The following MAF variants were observed in gnomAD, a reference collection of about 807,000 sequenced individuals.
MAF encodes MAF bZIP transcription factor, also known as transcription factor Maf.
MAF carries 10 observed loss-of-function variants against 22.0 expected under a neutral mutation model. The observed-to-expected ratio is 0.45, with a 90% CI of 0.28 to 0.77. The LOEUF is 0.77. Among genes scored for constraint, MAF ranks in the 30% least tolerant of loss-of-function variants. MAF has a pLI of 0.12. For synonymous variants in MAF, 337 were observed against 255.8 expected (o/e 1.32, Z -3.03); for missense variants, 544 against 548.4 (o/e 0.99, Z 0.08).
At chr16:79,442,359 T>TTTTA in the MAF span, among the ~76,000 whole-genome samples, 555 of 152,036 alleles carry the variant, frequency 3.7e-3, 6 homozygotes, top group African/African-American at 0.012. Flanking sequence ...TATCCTTTTA[T>TTTTA]TTTATTTATT....
At chr16:79,213,289 G>C in the MAF span, among the ~76,000 whole-genome samples, 1 of 147,268 alleles carries the variant, frequency 6.8e-6, no homozygotes, top group African/African-American at 2.7e-5. Flanking sequence ...CTGTGGTGCA[G>C]AGCAGTCGAA....
the MAF span, among the ~76,000 whole-genome samples, chr16:79,424,549 A>T: frequency 1.3e-5 from 2 of 152,210 alleles, no homozygotes; most frequent in Middle Eastern, 3.4e-3. Flanking sequence ...AATTCTATTC[A>T]TTTGTTTCTT....
the MAF span, among the ~76,000 whole-genome samples, chr16:79,466,243 C>T: frequency 6.6e-6 from 1 of 152,178 alleles, no homozygotes; most frequent in African/African-American, 2.4e-5. Flanking sequence ...TCAGACTTGT[C>T]TCAGCACAGG....
chr16:79,550,739 C>G, the MAF span, among the ~76,000 whole-genome samples: 1 of 151,972 alleles, frequency 6.6e-6, no homozygotes, highest in Non-Finnish European at 1.5e-5. Flanking sequence ...TTTGCACCAT[C>G]TAATCTGTGG....
the MAF span, among the ~76,000 whole-genome samples, chr16:79,502,092 G>T: frequency 6.6e-6 from 1 of 152,150 alleles, no homozygotes; most frequent in African/African-American, 2.4e-5. Flanking sequence ...TAACTTCAGT[G>T]AATACGTGTC....
chr16:79,243,842 G>A, the MAF span, among the ~76,000 whole-genome samples: 1 of 151,996 alleles, frequency 6.6e-6, no homozygotes, highest in Non-Finnish European at 1.5e-5. Context: ...ACCGAATCCA[G>A]CAGCACATCA....
At chr16:79,281,489 G>A in the MAF span, among the ~76,000 whole-genome samples, 1 of 150,078 alleles carries the variant, frequency 6.7e-6, no homozygotes, top group Non-Finnish European at 1.5e-5. Context: ...TTGTAATTCA[G>A]TTGTTTGTAT....
chr16:79,328,686 C>A, the MAF span, among the ~76,000 whole-genome samples: 4 of 152,136 alleles, frequency 2.6e-5, no homozygotes, highest in East Asian at 7.7e-4. Context: ...GCCAATATAA[C>A]TCCATTAGAT....
At chr16:79,224,644 T>C in the MAF span, among the ~76,000 whole-genome samples, 2 of 152,200 alleles carry the variant, frequency 1.3e-5, no homozygotes, top group East Asian at 1.9e-4. Context: ...CTTAAGCAGA[T>C]AAGCAACTTC....
the MAF span, among the ~76,000 whole-genome samples, chr16:79,277,644 C>T: frequency 1.3e-5 from 2 of 152,232 alleles, no homozygotes; most frequent in East Asian, 3.9e-4. Flanking sequence ...TAGTGGATGG[C>T]TTTAGGAATT....
chr16:79,354,830 C>T, the MAF span, among the ~76,000 whole-genome samples: 1 of 152,116 alleles, frequency 6.6e-6, no homozygotes, highest in African/African-American at 2.4e-5. Context: ...GAATTGAATT[C>T]TAGTGAACAC....
At chr16:79,513,686 C>T in the MAF span, among the ~76,000 whole-genome samples, 1 of 152,156 alleles carries the variant, frequency 6.6e-6, no homozygotes, top group African/African-American at 2.4e-5. Flanking sequence ...AAACAATAAG[C>T]TTGTTGAGCT....
the MAF span, among the ~76,000 whole-genome samples, chr16:79,337,830 T>A: frequency 1.3e-5 from 2 of 152,332 alleles, no homozygotes; most frequent in South Asian, 2.1e-4. Context: ...CACACAAGGC[T>A]ACTATGCCAC....
chr16:79,277,829 C>T, the MAF span, among the ~76,000 whole-genome samples: 1,229 of 152,268 alleles, frequency 8.1e-3, 10 homozygotes, highest in Non-Finnish European at 0.013. Flanking sequence ...TGAGGAGAAG[C>T]ATCTCACAAG....
At chr16:79,464,835 A>T in the MAF span, among the ~76,000 whole-genome samples, 1 of 152,210 alleles carries the variant, frequency 6.6e-6, no homozygotes, top group East Asian at 1.9e-4. Flanking sequence ...ATATGACAAG[A>T]AAGTAAGTCA....
At chr16:79,307,273 C>A in the MAF span, among the ~76,000 whole-genome samples, 1 of 152,206 alleles carries the variant, frequency 6.6e-6, no homozygotes, top group South Asian at 2.1e-4. Flanking sequence ...GAACTCGTAG[C>A]CCTAGGAGCT....
At chr16:79,275,073 A>C in the MAF span, among the ~76,000 whole-genome samples, 4 of 152,224 alleles carry the variant, frequency 2.6e-5, no homozygotes, top group Non-Finnish European at 5.9e-5. Context: ...AGAGTAATAG[A>C]GGCCGGGTGT....
chr16:79,480,816 C>G, the MAF span, among the ~76,000 whole-genome samples: 33 of 152,246 alleles, frequency 2.2e-4, no homozygotes, highest in South Asian at 6.2e-3. Context: ...CATTCCCTTC[C>G]TCTGGGAAAA....
At chr16:79,251,075 A>AG in the MAF span, among the ~76,000 whole-genome samples, 1 of 149,848 alleles carries the variant, frequency 6.7e-6, no homozygotes, top group Non-Finnish European at 1.5e-5. Context: ...ATGATATTAG[A>AG]TTCCCCCCGT....
Sources: gnomAD v4.1 joint callset for allele counts (sites outside exome capture counted in the v4.1 genomes callset) on GRCh38, gnomAD v4.1.1 for gene constraint, MANE v1.5 for transcripts, NCBI Gene and HGNC (gene_info 2026-07-23, HGNC 2026-07-21) for gene names.